The following ZNF521 variants were observed in gnomAD, a reference collection of about 807,000 sequenced individuals.
ZNF521 encodes the protein zinc finger protein 521.
ZNF521 carries 14 observed loss-of-function variants against 105.5 expected under a neutral mutation model. The observed-to-expected ratio is 0.13, with a 90% CI of 0.09 to 0.21. The LOEUF (loss-of-function observed/expected upper bound fraction) is 0.21. Among genes scored for constraint, ZNF521 ranks in the 10% least tolerant of loss-of-function variants. The pLI, the probability that ZNF521 is intolerant of heterozygous loss-of-function variation, is 1.00. For synonymous variants in ZNF521, 635 were observed against 606.0 expected, an observed-to-expected ratio of 1.05 and a Z score of -0.70; for missense variants, 1,233 against 1,629.7, an observed-to-expected ratio of 0.76 and a Z score of 4.19.
intron 5 of ZNF521, among the ~76,000 whole-genome samples, chr18:25,095,748 A>T (rs562741287): frequency 1.3e-5 from 2 of 152,368 alleles, no homozygotes; most frequent in South Asian, 4.1e-4. Flanking sequence ...TTGCCCAATT[A>T]AACTTAAAAG....
intron 5 of ZNF521, among the ~76,000 whole-genome samples, chr18:25,093,904 A>G (rs1410637547): frequency 7.2e-5 from 11 of 152,210 alleles, no homozygotes. Context: ...AAATATAAAA[A>G]ACACTATTTA....
chr18:25,112,563 C>G (rs1487483007), intron 5 of ZNF521, among the ~76,000 whole-genome samples: 2 of 152,170 alleles, frequency 1.3e-5, no homozygotes, highest in Non-Finnish European at 2.9e-5. Context: ...AATAAACACA[C>G]TCCCATCCAG....
At chr18:25,160,229 G>A (rs572715129) in intron 5 of ZNF521, among the ~76,000 whole-genome samples, 2 of 152,100 alleles carry the variant, frequency 1.3e-5, no homozygotes, top group Non-Finnish European at 2.9e-5. Flanking sequence ...AAATGAAATC[G>A]GGTAAACTTT....
At chr18:25,327,794 C>T (rs545848889) in intron 2 of ZNF521, 8 of 451,492 alleles carry the variant, frequency 1.8e-5, no homozygotes, top group East Asian at 6.2e-5. Flanking sequence ...ACTGTGCAGC[C>T]GTCTGTCCCG....
At chr18:25,324,848 G>C (rs538107008) in intron 2 of ZNF521, among the ~76,000 whole-genome samples, 2 of 152,102 alleles carry the variant, frequency 1.3e-5, no homozygotes, top group Non-Finnish European at 2.9e-5. Context: ...TGATGGCTTC[G>C]CTCTCAAAAG....
intron 5 of ZNF521, among the ~76,000 whole-genome samples, chr18:25,098,519 C>T (rs1363092593): frequency 6.6e-6 from 1 of 151,870 alleles, no homozygotes; most frequent in African/African-American, 2.4e-5. Flanking sequence ...CTTCCTCTCC[C>T]CATCCCAAGA....
chr18:25,165,252 GT>G, intron 5 of ZNF521, among the ~76,000 whole-genome samples: 1 of 152,294 alleles, frequency 6.6e-6, no homozygotes, highest in South Asian at 2.1e-4. Flanking sequence ...TGAAGTCTGG[GT>G]TGAGCATGCC....
chr18:25,192,016 A>G (rs781430939), intron 5 of ZNF521, among the ~76,000 whole-genome samples: 5 of 152,162 alleles, frequency 3.3e-5, no homozygotes, highest in Non-Finnish European at 4.4e-5. Flanking sequence ...GCAAAGGAAG[A>G]GAGGAAAAAT....
intron 7 of ZNF521, among the ~76,000 whole-genome samples, chr18:25,081,095 A>G (rs1291372768): frequency 6.9e-6 from 1 of 144,042 alleles, no homozygotes; most frequent in African/African-American, 2.5e-5. Flanking sequence ...AGCCCAGCCA[A>G]AGCAGAATGT....
intron 4 of ZNF521, among the ~76,000 whole-genome samples, chr18:25,208,087 T>C (rs1011111966): frequency 6.6e-6 from 1 of 152,206 alleles, no homozygotes; most frequent in Non-Finnish European, 1.5e-5. Context: ...GTCATTCTTT[T>C]AAAAGACATG....
intron 3 of ZNF521, among the ~76,000 whole-genome samples, chr18:25,306,346 C>G (rs1000338714): frequency 5.9e-5 from 9 of 152,078 alleles, no homozygotes; most frequent in African/African-American, 2.2e-4. Flanking sequence ...GCCACAGATT[C>G]TAAGCAATGA....
intron 5 of ZNF521, among the ~76,000 whole-genome samples, chr18:25,175,307 A>T (rs1201632174): frequency 6.6e-6 from 1 of 152,220 alleles, no homozygotes; most frequent in Non-Finnish European, 1.5e-5. Context: ...GGAAGTAATA[A>T]GAAATCAGAA....
intron 3 of ZNF521, among the ~76,000 whole-genome samples, chr18:25,320,952 A>G (rs1912904308): frequency 6.6e-6 from 1 of 152,240 alleles, no homozygotes; most frequent in Non-Finnish European, 1.5e-5. Context: ...AAAGAAGCCT[A>G]TTTAATGGAT....
intron 5 of ZNF521, among the ~76,000 whole-genome samples, chr18:25,143,270 T>C (rs1385454395): frequency 1.3e-5 from 2 of 152,182 alleles, no homozygotes; most frequent in Non-Finnish European, 2.9e-5. Context: ...GTTTCCCTAA[T>C]AACTGTGAAT....
chr18:25,179,850 G>T (rs190180674), intron 5 of ZNF521, among the ~76,000 whole-genome samples: 1 of 152,112 alleles, frequency 6.6e-6, no homozygotes, highest in African/African-American at 2.4e-5. Context: ...ACAGATGTAC[G>T]CATGTGACAC....
intron 4 of ZNF521, among the ~76,000 whole-genome samples, chr18:25,220,853 A>G (rs1568016519): frequency 6.6e-6 from 1 of 152,206 alleles, no homozygotes; most frequent in Non-Finnish European, 1.5e-5. Flanking sequence ...TGAGGTCCAG[A>G]TGGGGCAGCC....
At chr18:25,285,770 A>C in intron 3 of ZNF521, among the ~76,000 whole-genome samples, 1 of 152,186 alleles carries the variant, frequency 6.6e-6, no homozygotes, top group East Asian at 1.9e-4. Context: ...ATGGCTATAC[A>C]GAATCTCCCC....
At chr18:25,292,456 G>A (rs556653709) in intron 3 of ZNF521, among the ~76,000 whole-genome samples, 27 of 152,164 alleles carry the variant, frequency 1.8e-4, no homozygotes, top group African/African-American at 6.0e-4. Flanking sequence ...CTCAACACTG[G>A]TATTTTTAAA....
intron 5 of ZNF521, among the ~76,000 whole-genome samples, chr18:25,136,233 A>G (rs1041272933): frequency 4.6e-5 from 7 of 152,196 alleles, no homozygotes; most frequent in Non-Finnish European, 1.0e-4. Context: ...TGTTGATATT[A>G]TGTTCATGCC....
Sources: gnomAD v4.1 joint callset for allele counts (sites outside exome capture counted in the v4.1 genomes callset) on GRCh38, gnomAD v4.1.1 for gene constraint, MANE v1.5 for transcripts, NCBI Gene and HGNC (gene_info 2026-07-23, HGNC 2026-07-21) for gene names.